TIAM2: variants seen among roughly 807,000 people sequenced by gnomAD.
TIAM2 encodes rho guanine nucleotide exchange factor TIAM2.
In TIAM2, 80 loss-of-function variants were observed where a neutral mutation model predicts 152.9. That is an observed-to-expected ratio of 0.52 (90% CI 0.44 to 0.63). The LOEUF is 0.63. Among genes scored for constraint, TIAM2 ranks in the 30% least tolerant of loss-of-function variants. The pLI is 0.00. For synonymous variants in TIAM2, 804 were observed against 838.0 expected (o/e 0.96, Z 0.70); for missense variants, 1,965 against 2,120.1 (o/e 0.93, Z 1.44).
At chr6:155,094,731 T>G (rs1250128730) in intron 2 of TIAM2, among the ~76,000 whole-genome samples, 1 of 139,414 alleles carries the variant, frequency 7.2e-6, no homozygotes, top group African/African-American at 2.7e-5. Context: ...ATGGTTTTTT[T>G]TTTTTTGTTT....
intron 1 of TIAM2, among the ~76,000 whole-genome samples, chr6:155,073,605 C>T (rs567550079): frequency 2.8e-4 from 42 of 152,092 alleles, no homozygotes; most frequent in African/African-American, 8.7e-4. Flanking sequence ...CTTTGGGTGC[C>T]TAACCTGGAC....
At chr6:155,066,114 G>A (rs1236575047) in intron 1 of TIAM2, among the ~76,000 whole-genome samples, 1 of 152,030 alleles carries the variant, frequency 6.6e-6, no homozygotes, top group Non-Finnish European at 1.5e-5. Context: ...ATTGGTCCTG[G>A]GCCTTCTCCA....
chr6:155,253,188 A>C, intron 24 of TIAM2, 135 bp downstream of exon 24: 1 of 730,042 alleles, frequency 1.4e-6, no homozygotes, highest in Non-Finnish European at 2.3e-6. Flanking sequence ...AGGACAAGAG[A>C]GGTTGTTTTG....
intron 1 of TIAM2, among the ~76,000 whole-genome samples, chr6:155,056,104 A>T (rs1369501317): frequency 2.0e-5 from 3 of 147,328 alleles, no homozygotes; most frequent in Non-Finnish European, 4.5e-5. Flanking sequence ...TAATTTTTAA[A>T]TTTTTTTCTG....
At chr6:155,086,303 G>A (rs1266100434) in intron 1 of TIAM2, among the ~76,000 whole-genome samples, 1 of 152,202 alleles carries the variant, frequency 6.6e-6, no homozygotes, top group Admixed American at 6.5e-5. Context: ...AGGTCTACTT[G>A]ATCTTTACTG....
intron 1 of TIAM2, among the ~76,000 whole-genome samples, chr6:155,036,667 G>C (rs1472994485): frequency 1.3e-5 from 2 of 151,378 alleles, no homozygotes; most frequent in Non-Finnish European, 2.9e-5. Flanking sequence ...GCCCAGGCTG[G>C]AGTGCAATGG....
chr6:155,155,548 C>T (rs1392652120), intron 7 of TIAM2, among the ~76,000 whole-genome samples: 1 of 149,684 alleles, frequency 6.7e-6, no homozygotes, highest in African/African-American at 2.5e-5. Flanking sequence ...GATCTCGGCT[C>T]ACTGTAGCCT....
chr6:155,084,813 T>C (rs1012898285), intron 1 of TIAM2, among the ~76,000 whole-genome samples: 3 of 152,308 alleles, frequency 2.0e-5, no homozygotes, highest in Admixed American at 1.3e-4. Context: ...TTTTCCTTTG[T>C]TGAGTGCAGC....
In TIAM2 at chr6:155,177,071, C is replaced by T. The variant is rs140408710; in HGVS notation, c.2523+94C>T. 260 of 1,290,352 alleles carry T rather than the reference C, an allele frequency of 2.0e-4. No homozygotes were observed. In the African/African-American group the frequency reaches 3.5e-3, roughly 17 times the overall value. The allele number at this position is 1,290,352 out of a possible 1,614,324, so 79.9% of individuals were successfully genotyped here. A position where few individuals can be genotyped will look rare whatever the true frequency, so the allele number is the denominator to read the frequency against. On this transcript the variant is annotated intron_variant, in intron 10 of 26. Coordinates refer to ENST00000682666, the MANE Select transcript of TIAM2 (RefSeq NM_012454.4). The stretch of plus-strand genomic sequence containing the variant: ...TCTAAATTCATGTGATATTCAAGGG[C>T]CCAGTTTCCATGCCAGGGAACATAT...
At chr6:155,019,489 A>G (rs1446534345) in intron 1 of TIAM2, among the ~76,000 whole-genome samples, 1 of 152,226 alleles carries the variant, frequency 6.6e-6, no homozygotes, top group Non-Finnish European at 1.5e-5. Context: ...ATGATGTGTT[A>G]AACGAATGAT....
At chr6:155,210,167 C>A (rs2115210768) in intron 14 of TIAM2, among the ~76,000 whole-genome samples, 1 of 152,190 alleles carries the variant, frequency 6.6e-6, no homozygotes, top group East Asian at 1.9e-4. Context: ...ATGTGTGCTT[C>A]CAGTTGTAGG....
At chr6:155,102,767 TTGTGTGTGTGTGTGTGTG>T (rs56117781) in intron 2 of TIAM2, among the ~76,000 whole-genome samples, 19 of 145,760 alleles carry the variant, frequency 1.3e-4, no homozygotes, top group South Asian at 2.3e-4. Context: ...GATTAATTTA[TTGTGTGTGTGTGTGTGTG>T]TGTGTGTGTG....
In TIAM2 at chr6:155,176,918, GTT is replaced by G; in HGVS notation, c.2465_2466del (p.Val822AspfsTer38). 1 of 1,614,030 alleles carries G rather than the reference GTT, an allele frequency of 6.2e-7. No individual in the cohort carries two copies. The highest frequency in any genetic ancestry group is 8.5e-7 in the Non-Finnish European group (1 of 1,179,964). ...TGTCCACTTTCAGGACAATCACGGAGTTACTGTAGGGATCAAGCCAGAGCACA... is the reference window on the plus strand; with the variant it reads ...TGTCCACTTTCAGGACAATCACGGAGACTGTAGGGATCAAGCCAGAGCACA... ...TYVHFQDNHGVTVGIKPEHRV... is the reference protein window; with the variant it reads ...TYVHFQDNHGXTVGIKPEHRV... On this transcript the variant is annotated frameshift_variant, in exon 10 of 27. Coordinates refer to ENST00000682666, the MANE Select transcript of TIAM2 (RefSeq NM_012454.4). LOFTEE classifies it high-confidence loss of function.
chr6:154,999,458 C>T (rs1230766463), intron 1 of TIAM2, among the ~76,000 whole-genome samples: 2 of 152,118 alleles, frequency 1.3e-5, no homozygotes, highest in African/African-American at 2.4e-5. Context: ...CCACCTGCCT[C>T]GGACTCCCAA....
intron 9 of TIAM2, among the ~76,000 whole-genome samples, chr6:155,172,687 T>TATATATATATATATA (rs1491511697): frequency 3.7e-4 from 5 of 13,614 alleles, no homozygotes; most frequent in Admixed American, 1.6e-3. Context: ...TATATATATA[T>TATATATATATATATA]TTTTTTTTTT....
At chr6:155,132,118 A>G in intron 4 of TIAM2, among the ~76,000 whole-genome samples, 1 of 150,884 alleles carries the variant, frequency 6.6e-6, no homozygotes, top group South Asian at 2.1e-4. Context: ...CTAGATTTTC[A>G]GTTTGTTGTT....
chr6:155,148,061 T>C (rs746429774), intron 6 of TIAM2, 49 bp from the exon 7 acceptor site: 2 of 1,595,948 alleles, frequency 1.3e-6, no homozygotes, highest in Non-Finnish European at 1.7e-6. Flanking sequence ...TGGAGAGCAC[T>C]TTAGTGGTAA....
At chr6:155,131,567 A>G (rs1421101781) in intron 4 of TIAM2, among the ~76,000 whole-genome samples, 1 of 151,768 alleles carries the variant, frequency 6.6e-6, no homozygotes, top group Non-Finnish European at 1.5e-5. Flanking sequence ...ATATATCTAC[A>G]TGTGTAATCT....
At chr6:155,056,413 C>G (rs1482649753) in intron 1 of TIAM2, among the ~76,000 whole-genome samples, 1 of 152,070 alleles carries the variant, frequency 6.6e-6, no homozygotes, top group African/African-American at 2.4e-5. Context: ...CTCAAGTGAT[C>G]CGCCTGCCTT....
Sources: gnomAD v4.1 joint callset for allele counts (sites outside exome capture counted in the v4.1 genomes callset) on GRCh38, gnomAD v4.1.1 for gene constraint, MANE v1.5 for transcripts, NCBI Gene and HGNC (gene_info 2026-07-23, HGNC 2026-07-21) for gene names.